Variants in LIMD2 observed in about 807,000 individuals in gnomAD.
LIMD2 encodes LIM domain containing 2.
LIMD2 carries 11 observed loss-of-function variants against 16.0 expected under a neutral mutation model. That is an observed-to-expected ratio of 0.69 (90% CI 0.43 to 1.14). The LOEUF is 1.14. Among genes scored for constraint, LIMD2 ranks in the 50% most tolerant of loss-of-function variants. The pLI is 0.00. For synonymous variants in LIMD2, 60 were observed against 67.1 expected (o/e 0.89, Z 0.52); for missense variants, 168 against 165.8 (o/e 1.01, Z -0.07).
In LIMD2 at chr17:63,698,811, T is replaced by C. The variant is rs777374063; in HGVS notation, c.212A>G (p.His71Arg). 2 of 1,611,448 alleles carry C rather than the reference T, an allele frequency of 1.2e-6. No homozygotes were observed. Among genetic ancestry groups the C allele is most frequent in the South Asian group, 2.2e-5 (2 of 90,978 alleles). ...HNSCFCCKHCHTKLSLGSYAA... is the reference protein window; with the variant it reads ...HNSCFCCKHCRTKLSLGSYAA... The stretch of plus-strand genomic sequence containing the variant: ...GGCAGGGGCGCACCTGAGCTTGGTG[T>C]GACAGTGCTTGCAGCAGAAGCAAGA... Residue 71 changes from histidine (H) to arginine (R), a missense_variant, in exon 4 of 5, where the codon CAC becomes CGC. Transcript: ENST00000259006.
rs370244471 is a variant in LIMD2, at chr17:63,698,678, G to A, written c.258C>T (p.Phe86=). ...GCTGCTGGAAGTGGGGTTTGCAGTA[G>A]AACTCCCCGTGCAGCGCGGCGTAGC... The part of the protein sequence containing the change: ...LGSYAALHGE[F]YCKPHFQQLF... The change falls in exon 5 of 5, where the codon TTC becomes TTT. Residue 86 remains phenylalanine, a synonymous_variant. Coordinates refer to ENST00000259006, the MANE Select transcript of LIMD2 (RefSeq NM_030576.4). The A allele has an allele frequency of 1.7e-5, 27 of 1,613,530 alleles. 1 individual carries two copies. Among genetic ancestry groups the A allele is most frequent in the East Asian group, 8.9e-5 (4 of 44,876 alleles).
intron 3 of LIMD2, 21 bp from the exon 4 acceptor site, chr17:63,698,959 G>C: frequency 3.7e-6 from 6 of 1,612,520 alleles, no homozygotes; most frequent in Non-Finnish European, 4.2e-6. Flanking sequence ...AGCTCAGCCA[G>C]GTGCTGCCCC....
Position 63,698,375 on chromosome 17 carries a change from G to C in LIMD2, c.*177C>G. 1 of 744,514 alleles carries C rather than the reference G, an allele frequency of 1.3e-6. No homozygotes were observed. The highest frequency in any genetic ancestry group is 2.1e-6 in the Non-Finnish European group (1 of 469,468). The allele number at this position is 744,514 out of a possible 1,614,324, so 46.1% of individuals were successfully genotyped here. On this transcript the variant is annotated 3_prime_UTR_variant, in exon 5 of 5. Coordinates refer to ENST00000259006, the MANE Select transcript of LIMD2 (RefSeq NM_030576.4). ...CCTGGTTTCCAAACCCTCACCGGCT[G>C]CGGGAGAAGGAAGAAGGAAGGAGTC...
In LIMD2 at chr17:63,698,590, C is replaced by T. The variant is rs752143532; in HGVS notation, c.346G>A (p.Ala116Thr). The change falls in exon 5 of 5, where the codon GCC becomes ACC. Residue 116 changes from alanine to threonine, a missense_variant. Ala to Thr is a moderately conservative substitution (Grantham distance 58, BLOSUM62 0). Coordinates refer to ENST00000259006, the MANE Select transcript of LIMD2 (RefSeq NM_030576.4). Reference sequence around the variant, plus strand: ...GTGCCGGGGTCCACCTCCTTGTGGGCCCAGAGCTCCTTGTGCTGCTTGCGG... The same window carrying T: ...GTGCCGGGGTCCACCTCCTTGTGGGTCCAGAGCTCCTTGTGCTGCTTGCGG... ...FGRKQHKELW[A>T]HKEVDPGTKT... The T allele has an allele frequency of 6.2e-7, 1 of 1,613,852 alleles. No homozygotes were observed. Among genetic ancestry groups the T allele is most frequent in the South Asian group, 1.1e-5 (1 of 91,078 alleles).
chr17:63,699,948 C>A (rs2035760436), intron 1 of LIMD2, 84 bp downstream of exon 1: 7 of 983,744 alleles, frequency 7.1e-6, no homozygotes, highest in Non-Finnish European at 7.2e-6. Context: ...TCGCCGGGAC[C>A]CCACGGGCGG....
intron 1 of LIMD2, 136 bp downstream of exon 1, chr17:63,699,896 G>A (rs2035759662): frequency 1.2e-5 from 12 of 984,218 alleles, no homozygotes; most frequent in Non-Finnish European, 1.4e-5. Flanking sequence ...CCTGAAACGA[G>A]GACTCGAGCC....
At position 63,700,073 on chromosome 17, in the gene LIMD2, G is replaced by T; in HGVS notation, c.-92C>A. Reference sequence around the variant, plus strand: ...CGCGGGGCGGGATCGGTCTCCGGGGGCGCACGGGTACGAGGAGGGCGCGGG... The same window carrying T: ...CGCGGGGCGGGATCGGTCTCCGGGGTCGCACGGGTACGAGGAGGGCGCGGG... On this transcript the variant is annotated 5_prime_UTR_variant, in exon 1 of 5. Transcript: ENST00000259006. The surrounding 1 kb of genome is among the most constrained non-coding windows in gnomAD (Gnocchi z 7.1). The T allele has an allele frequency of 1.0e-6, 1 of 984,654 alleles. No individual in the cohort carries two copies. The highest frequency in any genetic ancestry group is 1.2e-6 in the Non-Finnish European group (1 of 829,354). The allele number at this position is 984,654 out of a possible 1,614,324, so 61.0% of individuals were successfully genotyped here. A position where few individuals can be genotyped will look rare whatever the true frequency, so the allele number is the denominator to read the frequency against.
At chr17:63,699,547 A>G in intron 1 of LIMD2, 199 bp from the exon 2 acceptor site, 1 of 515,274 alleles carries the variant, frequency 1.9e-6, no homozygotes, top group Non-Finnish European at 3.3e-6. Flanking sequence ...CCCGAGTGGC[A>G]CCGTCCCTCG....
rs937550596 is a variant in LIMD2, at chr17:63,698,348, A to G, written c.*204T>C. The G allele has an allele frequency of 1.7e-5, 11 of 655,292 alleles. No homozygotes were observed. Among genetic ancestry groups the G allele is most frequent in the Middle Eastern group, 8.3e-4 (2 of 2,402 alleles). The allele number at this position is 655,292 out of a possible 1,614,324, so 40.6% of individuals were successfully genotyped here. A position where few individuals can be genotyped will look rare whatever the true frequency, so the allele number is the denominator to read the frequency against. ...GAAGCAGGGTGGTGGGCAGACCCCA[A>G]TCCTGGTTTCCAAACCCTCACCGGC... On this transcript the variant is annotated 3_prime_UTR_variant, in exon 5 of 5. Transcript: ENST00000259006.
In LIMD2 at chr17:63,696,844, C is replaced by A. The variant is rs1372158943; in HGVS notation, c.*1708G>T. The A allele has an allele frequency of 6.6e-6, 1 of 152,108 alleles. No homozygotes were observed. Among genetic ancestry groups the A allele is most frequent in the African/African-American group, 2.4e-5 (1 of 41,356 alleles). The allele number at this position is 152,108 out of a possible 1,614,324, so 9.4% of individuals were successfully genotyped here. A position where few individuals can be genotyped will look rare whatever the true frequency, so the allele number is the denominator to read the frequency against. On this transcript the variant is annotated 3_prime_UTR_variant, in exon 5 of 5. Coordinates refer to ENST00000259006, the MANE Select transcript of LIMD2 (RefSeq NM_030576.4). ...ACTTCACACTTGGGAGGATCCAGGCCGGGGCACCATCTCTGCTGAGTATTC... is the reference window on the plus strand; with the variant it reads ...ACTTCACACTTGGGAGGATCCAGGCAGGGGCACCATCTCTGCTGAGTATTC...
rs549942320 is a variant in LIMD2 at position 63,699,405 on chromosome 17, G to C, written c.-50-57C>G. The C allele has an allele frequency of 1.5e-4, 224 of 1,465,880 alleles. No individual in the cohort carries two copies. The African/African-American group carries it at 2.9e-3, about 19-fold the overall frequency. The allele number at this position is 1,465,880 out of a possible 1,614,324, so 90.8% of individuals were successfully genotyped here. A position where few individuals can be genotyped will look rare whatever the true frequency, so the allele number is the denominator to read the frequency against. The stretch of plus-strand genomic sequence containing the variant: ...CCAGCCCGGCCCCAGCCTGCAGGGT[G>C]GGGGGTGTTGACAGGCAGGGGCTGG... On this transcript the variant is annotated intron_variant, in intron 1 of 4. Transcript: ENST00000259006.
At position 63,698,924 on chromosome 17, in the gene LIMD2, C is replaced by T. The variant is rs1218529305; in HGVS notation, c.99G>A (p.Arg33=). 1 of 1,612,680 alleles carries T rather than the reference C, an allele frequency of 6.2e-7. No homozygotes were observed. Among genetic ancestry groups the T allele is most frequent in the African/African-American group, 1.3e-5 (1 of 74,924 alleles). The part of the protein sequence containing the change: ...TVQRSKSFSL[R]AQVKETCAAC... ...CGGCGCAGGTCTCCTTCACCTGGGC[C>T]CGCAGGCTGAAGGACTGTGCGGGAA... Residue 33 remains arginine (R), a synonymous_variant, in exon 4 of 5, where the codon CGG becomes CGA. Coordinates refer to ENST00000259006, the MANE Select transcript of LIMD2 (RefSeq NM_030576.4).
rs1033117115 is a variant in LIMD2, at chr17:63,697,725, C to G, written c.*827G>C. On this transcript the variant is annotated 3_prime_UTR_variant, in exon 5 of 5. Coordinates refer to ENST00000259006, the MANE Select transcript of LIMD2 (RefSeq NM_030576.4). ...CTGCCCCCATCAGGGCCGAGGTAGT[C>G]GGGGCTGGCCCTGTCCCCCCATGCC... is the stretch of plus-strand genomic sequence containing the variant. 6.6e-6 allele frequency: 1 copy of G among 152,268 alleles called. No homozygotes were observed. Among genetic ancestry groups the G allele is most frequent in the Non-Finnish European group, 1.5e-5 (1 of 68,068 alleles). The allele number at this position is 152,268 out of a possible 1,614,324, so 9.4% of individuals were successfully genotyped here. A position where few individuals can be genotyped will look rare whatever the true frequency, so the allele number is the denominator to read the frequency against.
chr17:63,698,959 G>A (rs368805359), intron 3 of LIMD2, 21 bp from the exon 4 acceptor site: 109 of 1,612,402 alleles, frequency 6.8e-5, no homozygotes, highest in Non-Finnish European at 8.9e-5. Context: ...AGCTCAGCCA[G>A]GTGCTGCCCC....
chr17:63,699,326 G>A lies in LIMD2; in HGVS notation c.-28C>T, dbSNP rs1406638855. 2 of 1,594,502 alleles carry A rather than the reference G, an allele frequency of 1.3e-6. No homozygotes were observed. Among genetic ancestry groups the A allele is most frequent in the Admixed American group, 1.7e-5 (1 of 57,612 alleles). ...CTCGTTGGAGGTGGAAGCCTCGGGT[G>A]GAGAAGCGGCACCCGCTGGGTTCTG... is the stretch of plus-strand genomic sequence containing the variant. On this transcript the variant is annotated 5_prime_UTR_variant, in exon 2 of 5. Coordinates refer to ENST00000259006, the MANE Select transcript of LIMD2 (RefSeq NM_030576.4).
rs773056507 is a variant in LIMD2 at position 63,699,348 on chromosome 17, T to C, written c.-50A>G. ...GGTGGAGAAGCGGCACCCGCTGGGT[T>C]CTGCAAGGGGAAGTCAGTCGGGAGG... On this transcript the variant is annotated splice_region_variant and 5_prime_UTR_variant, in exon 2 of 5. Coordinates refer to ENST00000259006, the MANE Select transcript of LIMD2 (RefSeq NM_030576.4). The C allele has an allele frequency of 6.1e-5, 96 of 1,570,710 alleles. No individual in the cohort carries two copies. The highest frequency in any genetic ancestry group is 7.9e-5 in the Non-Finnish European group (92 of 1,158,882).
At position 63,698,701 on chromosome 17, in the gene LIMD2, A is replaced by G. The variant is rs1157417212; in HGVS notation, c.235T>C (p.Tyr79His). 6.2e-7 allele frequency: 1 copy of G among 1,613,220 alleles called. No individual in the cohort carries two copies. Among genetic ancestry groups the G allele is most frequent in the Non-Finnish European group, 8.5e-7 (1 of 1,179,914 alleles). ...HCHTKLSLGS[Y>H]AALHGEFYCK... ...TAGAACTCCCCGTGCAGCGCGGCGT[A>G]GCTGCCCAGGCTGCAGAAGCCAAAC... The change falls in exon 5 of 5, where the codon TAC becomes CAC. Residue 79 changes from tyrosine to histidine, a missense_variant. Transcript: ENST00000259006.
Position 63,696,173 on chromosome 17 carries a change from A to C in LIMD2, c.*2379T>G, listed in dbSNP as rs1397281732. On this transcript the variant is annotated 3_prime_UTR_variant, in exon 5 of 5. Transcript: ENST00000259006. Reference sequence around the variant, plus strand: ...CTCTATGTCTGTGTCTGAATTGTGGATCGTGCAGCCATGGTTATTGTGGAA... The same window carrying C: ...CTCTATGTCTGTGTCTGAATTGTGGCTCGTGCAGCCATGGTTATTGTGGAA... The C allele has an allele frequency of 6.6e-6, 1 of 152,552 alleles. No individual in the cohort carries two copies. Among genetic ancestry groups the C allele is most frequent in the Non-Finnish European group, 1.5e-5 (1 of 68,106 alleles). 9.4% of individuals were successfully genotyped at this position (152,552 alleles called of 1,614,324 possible).
rs764771810 is a variant in LIMD2, at chr17:63,698,527, G to A, written c.*25C>T. 6.2e-7 allele frequency: 1 copy of A among 1,610,148 alleles called. No individual in the cohort carries two copies. The highest frequency in any genetic ancestry group is 8.5e-7 in the Non-Finnish European group (1 of 1,178,290). On this transcript the variant is annotated 3_prime_UTR_variant, in exon 5 of 5. Transcript: ENST00000259006. Reference sequence around the variant, plus strand: ...CCCTGCCGGCTCCAGGCCTTCCGCAGAGGGGGTGGAAGGTTACAGAGGCCT... The same window carrying A: ...CCCTGCCGGCTCCAGGCCTTCCGCAAAGGGGGTGGAAGGTTACAGAGGCCT...
Sources: gnomAD v4.1 joint callset for allele counts on GRCh38, gnomAD v4.1.1 for gene constraint, Gnocchi (gnomAD v3.1) non-coding constraint, MANE v1.5 for transcripts, NCBI Gene and HGNC (gene_info 2026-07-23, HGNC 2026-07-21) for gene names.